KHDRBS2: variants seen among roughly 807,000 people sequenced by gnomAD.
KHDRBS2 encodes KH RNA binding domain containing, signal transduction associated 2.
A neutral mutation model predicts 44.3 loss-of-function variants in KHDRBS2; 26 were observed. The observed-to-expected ratio is 0.59, with a 90% CI of 0.43 to 0.81. KHDRBS2 has a LOEUF of 0.81. KHDRBS2 is among the 40% of genes least tolerant of loss of function. KHDRBS2 has a pLI of 0.00. For missense variants in KHDRBS2, 476 were observed against 433.1 expected, an observed-to-expected ratio of 1.10 and a Z score of -0.88; for synonymous variants, 194 against 151.1, an observed-to-expected ratio of 1.28 and a Z score of -2.08.
the KHDRBS2 span, among the ~76,000 whole-genome samples, chr6:61,674,663 A>G: frequency 4.1e-4 from 63 of 151,884 alleles, 2 homozygotes; most frequent in African/African-American, 1.4e-3. Flanking sequence ...AACAACTACT[A>G]TACAATTCAG....
At chr6:62,059,016 AAG>A (rs1790975541) in intron 2 of KHDRBS2, among the ~76,000 whole-genome samples, 1 of 151,654 alleles carries the variant, frequency 6.6e-6, no homozygotes, top group African/African-American at 2.4e-5. Flanking sequence ...AAACATATGA[AAG>A]AACCAAATAT....
chr6:62,208,618 T>A (rs1828460065), intron 1 of KHDRBS2, among the ~76,000 whole-genome samples: 1 of 152,168 alleles, frequency 6.6e-6, no homozygotes, highest in African/African-American at 2.4e-5. Context: ...TGCTGGTTAG[T>A]ATAATGGCTC....
At chr6:61,591,141 C>A in the KHDRBS2 span, among the ~76,000 whole-genome samples, 10 of 152,146 alleles carry the variant, frequency 6.6e-5, no homozygotes, top group African/African-American at 2.4e-4. Context: ...CAGGGACTTG[C>A]ACTTGTGGGG....
chr6:61,677,717 T>A (rs375479241), downstream of KHDRBS2, among the ~76,000 whole-genome samples: 4 of 151,880 alleles, frequency 2.6e-5, no homozygotes, highest in East Asian at 3.9e-4. Context: ...ACCCATAGTA[T>A]TTTCAGGCTT....
At chr6:62,097,286 AT>A (rs1466676384) in intron 2 of KHDRBS2, among the ~76,000 whole-genome samples, 1 of 151,754 alleles carries the variant, frequency 6.6e-6, no homozygotes, top group Non-Finnish European at 1.5e-5. Flanking sequence ...GTCTCTGCTG[AT>A]TTCCTATTTG....
intron 2 of KHDRBS2, among the ~76,000 whole-genome samples, chr6:62,140,029 AT>A (rs1296000227): frequency 6.6e-6 from 1 of 152,222 alleles, no homozygotes; most frequent in African/African-American, 2.4e-5. Context: ...TAAATAAAAA[AT>A]AACCTAAACC....
chr6:62,143,226 T>C (rs980108002), intron 2 of KHDRBS2, among the ~76,000 whole-genome samples: 6 of 152,076 alleles, frequency 3.9e-5, no homozygotes, highest in Non-Finnish European at 8.8e-5. Context: ...CATAAATTTA[T>C]TGTGACTAAG....
chr6:61,796,470 G>T lies in KHDRBS2; in HGVS notation c.811-63706C>A, dbSNP rs149630713. Among the ~76,000 whole-genome samples the T allele has an allele frequency of 2.9e-3, 441 of 152,056 alleles. 2 individuals carry two copies. Among genetic ancestry groups the T allele is most frequent in the Admixed American group, 5.8e-3 (88 of 15,270 alleles). On this transcript the variant is annotated intron_variant, in intron 6 of 8. Coordinates refer to ENST00000281156, the MANE Select transcript of KHDRBS2 (RefSeq NM_152688.4). Reference sequence around the variant, plus strand: ...CTGCCAAGCATGATTCACATTATGAGAATTTGGTATTAATTTCAGAAGGCA... The same window carrying T: ...CTGCCAAGCATGATTCACATTATGATAATTTGGTATTAATTTCAGAAGGCA...
rs149758348 is a variant in KHDRBS2, at chr6:61,681,036, C to A, written c.977G>T (p.Arg326Leu). ...TTGCGGTGGTGCCTTCAAGCTAGAG[C>A]GGGTTGTGGCCCATTCTTCTGGTGC... ...SYAPEEWATT[R>L]SSLKAPPQRS... The change falls in exon 9 of 9, where the codon CGC becomes CTC. Residue 326 changes from arginine (R) to leucine (L), a missense_variant. Arg to Leu is a moderately radical substitution (Grantham distance 102). Transcript: ENST00000281156. The A allele has an allele frequency of 1.6e-5, 25 of 1,611,336 alleles. No individual in the cohort carries two copies. The highest frequency in any genetic ancestry group is 2.2e-5 in the East Asian group (1 of 44,738).
chr6:61,788,345 G>A (rs960812771), intron 6 of KHDRBS2, among the ~76,000 whole-genome samples: 4 of 151,424 alleles, frequency 2.6e-5, no homozygotes, highest in Admixed American at 2.6e-4. Context: ...TCTACACTTA[G>A]TGTCATTTCA....
intron 7 of KHDRBS2, among the ~76,000 whole-genome samples, chr6:61,725,871 G>T (rs1053978479): frequency 6.6e-6 from 1 of 152,030 alleles, no homozygotes; most frequent in Admixed American, 6.6e-5. Context: ...TCTACCAGAG[G>T]TACAAAGATG....
At chr6:61,630,477 C>A in the KHDRBS2 span, 1 of 152,246 alleles carries the variant, frequency 6.6e-6, no homozygotes, top group East Asian at 1.9e-4. Context: ...CCATGGTGAA[C>A]AGGATTGTAT....
chr6:61,966,870 C>T (rs1202765434), intron 4 of KHDRBS2, among the ~76,000 whole-genome samples: 4 of 151,708 alleles, frequency 2.6e-5, no homozygotes, highest in Non-Finnish European at 5.9e-5. Context: ...TCTCCTTAAA[C>T]AGTACAATAG....
At chr6:62,259,047 CT>C (rs1398147852) in intron 1 of KHDRBS2, among the ~76,000 whole-genome samples, 2 of 151,922 alleles carry the variant, frequency 1.3e-5, no homozygotes, top group African/African-American at 4.8e-5. Context: ...GTCTTGTGCT[CT>C]AATAGATAAG....
intron 6 of KHDRBS2, among the ~76,000 whole-genome samples, chr6:61,886,685 C>A (rs1801001228): frequency 6.6e-6 from 1 of 151,998 alleles, no homozygotes; most frequent in Non-Finnish European, 1.5e-5. Context: ...GAAACACTGC[C>A]TTTAGGATGT....
intron 1 of KHDRBS2, among the ~76,000 whole-genome samples, chr6:62,237,763 C>T (rs186044824): frequency 1.8e-4 from 27 of 152,170 alleles, no homozygotes; most frequent in East Asian, 1.2e-3. Flanking sequence ...TATTGAGGCC[C>T]GGTGCAGTGG....
chr6:62,163,610 T>C (rs1818088400), intron 2 of KHDRBS2, among the ~76,000 whole-genome samples: 1 of 151,990 alleles, frequency 6.6e-6, no homozygotes, highest in Admixed American at 6.6e-5. Flanking sequence ...GCCTTTGAAA[T>C]CTTAGCAGTC....
At chr6:62,281,278 C>T (rs547492861) in intron 1 of KHDRBS2, among the ~76,000 whole-genome samples, 7 of 152,050 alleles carry the variant, frequency 4.6e-5, no homozygotes, top group Non-Finnish European at 1.0e-4. Context: ...AATTGAGGTG[C>T]ATCATCATGT....
At chr6:61,831,597 T>A (rs1791828806) in intron 6 of KHDRBS2, among the ~76,000 whole-genome samples, 1 of 152,050 alleles carries the variant, frequency 6.6e-6, no homozygotes, top group South Asian at 2.1e-4. Context: ...ATAACCCAAT[T>A]AAAAACTGAG....
Sources: gnomAD v4.1 joint callset for allele counts (sites outside exome capture counted in the v4.1 genomes callset) on GRCh38, gnomAD v4.1.1 for gene constraint, MANE v1.5 for transcripts, NCBI Gene and HGNC (gene_info 2026-07-23, HGNC 2026-07-21) for gene names.